The following TRPS1 variants were observed in gnomAD, a reference collection of about 807,000 sequenced individuals.
The protein encoded by TRPS1 is transcriptional repressor GATA binding 1.
Under a neutral mutation model 101.2 loss-of-function variants are expected in TRPS1, and 6 were observed. The ratio of observed to expected loss-of-function variants is 0.06; its 90% CI spans 0.03 to 0.12. The LOEUF (loss-of-function observed/expected upper bound fraction) is 0.12. TRPS1 is among the 10% of genes least tolerant of loss of function. The probability of loss-of-function intolerance (pLI) is 1.00; values close to 1 mark genes in which losing one functional copy is unlikely to be tolerated. For synonymous variants in TRPS1, 578 were observed against 589.8 expected (o/e 0.98, Z 0.29); for missense variants, 1,363 against 1,567.0 (o/e 0.87, Z 2.20).
rs946446910 is a variant in TRPS1, at chr8:115,558,093, A to G, written c.2700+28908T>C. Among the ~76,000 whole-genome samples, 52 of 151,594 alleles carry G rather than the reference A, an allele frequency of 3.4e-4. 2 individuals carry two copies. Among genetic ancestry groups the G allele is most frequent in the African/African-American group, 1.1e-3 (47 of 41,482 alleles). On this transcript the variant is annotated intron_variant, in intron 5 of 6. Coordinates refer to ENST00000395715, the MANE Select transcript of TRPS1 (RefSeq NM_014112.5). ...GCTCAATTCACAAAACAGACAGGAA[A>G]AAAAAAAAAAAGGCTTTGCATTTCT...
chr8:115,538,543 G>A (rs1387565501), intron 5 of TRPS1, among the ~76,000 whole-genome samples: 2 of 151,444 alleles, frequency 1.3e-5, no homozygotes, highest in East Asian at 3.9e-4. Flanking sequence ...AAATGACTAT[G>A]AGTAATTTCT....
chr8:115,601,580 T>A (rs1296277003), intron 4 of TRPS1, among the ~76,000 whole-genome samples: 1 of 152,136 alleles, frequency 6.6e-6, no homozygotes, highest in East Asian at 1.9e-4. Context: ...CCAAACTATA[T>A]CAGGATTTAA....
intron 5 of TRPS1, among the ~76,000 whole-genome samples, chr8:115,448,856 C>T (rs1421340177): frequency 6.6e-6 from 1 of 152,078 alleles, no homozygotes; most frequent in Non-Finnish European, 1.5e-5. Context: ...TCCTGAAACT[C>T]CTTCTTAGAG....
At chr8:115,503,520 G>A (rs1423932232) in intron 5 of TRPS1, among the ~76,000 whole-genome samples, 1 of 152,042 alleles carries the variant, frequency 6.6e-6, no homozygotes, top group African/African-American at 2.4e-5. Context: ...TAAATATCCT[G>A]AAACAGAGCC....
At chr8:115,564,771 C>T (rs1817028047) in intron 5 of TRPS1, among the ~76,000 whole-genome samples, 1 of 152,092 alleles carries the variant, frequency 6.6e-6, no homozygotes, top group Non-Finnish European at 1.5e-5. Flanking sequence ...TGTTTATCTA[C>T]AGCAAGTAGT....
chr8:115,562,011 G>T (rs754866681), intron 5 of TRPS1, among the ~76,000 whole-genome samples: 45 of 151,926 alleles, frequency 3.0e-4, no homozygotes, highest in Non-Finnish European at 4.1e-4. Flanking sequence ...TTCCCAGTAC[G>T]TGTATAAATG....
intron 5 of TRPS1, among the ~76,000 whole-genome samples, chr8:115,523,336 G>C (rs987429282): frequency 6.6e-6 from 1 of 152,060 alleles, no homozygotes; most frequent in Admixed American, 6.6e-5. Flanking sequence ...CTTCCGTCAG[G>C]AATATGCACC....
chr8:115,648,600 T>G (rs1811484345), intron 1 of TRPS1, among the ~76,000 whole-genome samples: 1 of 152,220 alleles, frequency 6.6e-6, no homozygotes, highest in Non-Finnish European at 1.5e-5. Flanking sequence ...GAAAATGGAA[T>G]GCTATTTCTG....
chr8:115,467,813 TA>T (rs1290499410), intron 5 of TRPS1, among the ~76,000 whole-genome samples: 1 of 152,194 alleles, frequency 6.6e-6, no homozygotes, highest in Non-Finnish European at 1.5e-5. Context: ...ACTTCTCTGC[TA>T]TCTAAGGAAG....
intron 1 of TRPS1, among the ~76,000 whole-genome samples, chr8:115,650,877 C>T (rs1048076469): frequency 7.2e-5 from 11 of 152,186 alleles, no homozygotes; most frequent in African/African-American, 2.2e-4. Flanking sequence ...CAGCTCCTAA[C>T]CCTACTCATC....
At position 115,613,503 on chromosome 8, in the gene TRPS1, T is replaced by C. The variant is rs1004684639; in HGVS notation, c.966+5629A>G. On this transcript the variant is annotated intron_variant, in intron 3 of 6. Transcript: ENST00000395715. ...CCCTCTATTGCTTTGCTATTGGCAG[T>C]AAACTCAGACTCATGTTTGGCCAGG... 3.9e-5 allele frequency among the ~76,000 whole-genome samples: 6 copies of C among 152,350 alleles called. No homozygotes were observed. The East Asian group carries it at 9.7e-4, about 25-fold the overall frequency.
intron 5 of TRPS1, among the ~76,000 whole-genome samples, chr8:115,528,962 A>C (rs1354523580): frequency 6.6e-6 from 1 of 152,124 alleles, no homozygotes. Context: ...CAAGGTACAC[A>C]ATGGTTACCG....
chr8:115,664,601 A>G (rs571060614), intron 1 of TRPS1, among the ~76,000 whole-genome samples: 2 of 152,284 alleles, frequency 1.3e-5, no homozygotes, highest in Admixed American at 1.3e-4. Flanking sequence ...AGAATTAGTT[A>G]TCAATGGTAT....
chr8:115,573,949 C>T (rs932362084), intron 5 of TRPS1, among the ~76,000 whole-genome samples: 4 of 152,124 alleles, frequency 2.6e-5, no homozygotes, highest in East Asian at 3.8e-4. Flanking sequence ...ACAACTAAGT[C>T]GGTTTTCTCA....
intron 1 of TRPS1, among the ~76,000 whole-genome samples, chr8:115,642,781 T>C (rs1232037102): frequency 3.3e-5 from 5 of 150,128 alleles, no homozygotes. Context: ...TTTTTATTAT[T>C]CCCCAAAAAG....
intron 5 of TRPS1, among the ~76,000 whole-genome samples, chr8:115,496,242 T>A (rs913726981): frequency 6.6e-6 from 1 of 152,196 alleles, no homozygotes; most frequent in African/African-American, 2.4e-5. Flanking sequence ...AACCCGGTAC[T>A]AATTGGCAGA....
intron 5 of TRPS1, among the ~76,000 whole-genome samples, chr8:115,447,994 CT>C (rs1299764209): frequency 6.6e-6 from 1 of 152,126 alleles, no homozygotes; most frequent in Non-Finnish European, 1.5e-5. Flanking sequence ...TTCAATTATA[CT>C]AAATTACTGA....
chr8:115,594,113 T>A (rs1817736309), intron 4 of TRPS1, among the ~76,000 whole-genome samples: 1 of 152,132 alleles, frequency 6.6e-6, no homozygotes. Flanking sequence ...TATTAAGATG[T>A]ACACAGATAT....
chr8:115,659,241 G>A, intron 1 of TRPS1, among the ~76,000 whole-genome samples: 1 of 151,908 alleles, frequency 6.6e-6, no homozygotes, highest in Middle Eastern at 3.2e-3. Context: ...ATCCTTGAAT[G>A]TGTAACTACT....
Sources: gnomAD v4.1 joint callset for allele counts (sites outside exome capture counted in the v4.1 genomes callset) on GRCh38, gnomAD v4.1.1 for gene constraint, MANE v1.5 for transcripts, NCBI Gene and HGNC (gene_info 2026-07-23, HGNC 2026-07-21) for gene names.